Variants in NEUROD1 observed in about 807,000 individuals in gnomAD.
NEUROD1 encodes neuronal differentiation 1.
NEUROD1 carries 9 observed loss-of-function variants against 21.8 expected under a neutral mutation model. The ratio of observed to expected loss-of-function variants is 0.41; its 90% CI spans 0.25 to 0.72. NEUROD1 has a LOEUF of 0.72. NEUROD1 is among the 30% of genes least tolerant of loss of function. The pLI is 0.31. For synonymous variants in NEUROD1, 199 were observed against 186.2 expected (o/e 1.07, Z -0.56); for missense variants, 434 against 468.8 (o/e 0.93, Z 0.69).
In NEUROD1 at chr2:181,678,046, G is replaced by C. The variant is rs372654587; in HGVS notation, c.815C>G (p.Pro272Arg). 2.5e-6 allele frequency: 4 copies of C among 1,614,158 alleles called. No individual in the cohort carries two copies. The highest frequency in any genetic ancestry group is 3.4e-6 in the Non-Finnish European group (4 of 1,180,018). The change falls in exon 2 of 2, where the codon CCC becomes CGC. Residue 272 changes from proline (P) to arginine (R), a missense_variant. Coordinates refer to ENST00000295108, the MANE Select transcript of NEUROD1 (RefSeq NM_002500.5). This position sits in a 1 kb window ranked among gnomAD's most constrained non-coding sequence, Gnocchi z 5.5. The stretch of plus-strand genomic sequence containing the variant: ...ATTGATGCTGAGCGGCGGGCTGAGG[G>C]GTCCATCAAAGGAAGGGCTGGTGCA... ...TDCTSPSFDG[P>R]LSPPLSINGN... is the part of the protein sequence containing the mutation.
At chr2:181,671,268 C>G (rs182015109) in exon 2 of NEUROD1, among the ~76,000 whole-genome samples, 108 of 152,132 alleles carry the variant, frequency 7.1e-4, no homozygotes, top group African/African-American at 2.5e-3. Context: ...AGCCTTGCCT[C>G]TATTAACAAA....
rs1191618753 is a variant in NEUROD1, at chr2:181,676,886, G to A, written c.*904C>T. 2 of 152,532 alleles carry A rather than the reference G, an allele frequency of 1.3e-5. No homozygotes were observed. Among genetic ancestry groups the A allele is most frequent in the African/African-American group, 2.4e-5 (1 of 41,434 alleles). 9.4% of individuals were successfully genotyped at this position (152,532 alleles called of 1,614,324 possible). A position where few individuals can be genotyped will look rare whatever the true frequency, so the allele number is the denominator to read the frequency against. On this transcript the variant is annotated 3_prime_UTR_variant, in exon 2 of 2. Transcript: ENST00000295108. ...AGGAGTAAAAGACTAAAAAGTAACA[G>A]TGCAAATTGTATGTGATAGTCAAGC...
downstream of NEUROD1, among the ~76,000 whole-genome samples, chr2:181,673,988 CA>C (rs1688531279): frequency 6.6e-6 from 1 of 152,082 alleles, no homozygotes; most frequent in African/African-American, 2.4e-5. Context: ...TATAATCTTT[CA>C]TTTTAATTTA....
rs867400530 is a variant in NEUROD1 at position 181,678,406 on chromosome 2, G to A, written c.455C>T (p.Ala152Val). 1 of 1,614,216 alleles carries A rather than the reference G, an allele frequency of 6.2e-7. No homozygotes were observed. ...TLRLAKNYIW[A>V]LSEILRSGKS... is the part of the protein sequence containing the mutation. ...GCCTGAGCGCAGGATCTCCGACAGA[G>A]CCCAGATGTAGTTCTTGGCCAAGCG... The change falls in exon 2 of 2, where the codon GCT becomes GTT. Residue 152 changes from alanine to valine, a missense_variant. Coordinates refer to ENST00000295108, the MANE Select transcript of NEUROD1 (RefSeq NM_002500.5). The surrounding 1 kb of genome is among the most constrained non-coding windows in gnomAD (Gnocchi z 5.5).
chr2:181,669,618 T>C (rs1297038248), downstream of NEUROD1, among the ~76,000 whole-genome samples: 1 of 152,218 alleles, frequency 6.6e-6, no homozygotes, highest in East Asian at 1.9e-4. Context: ...AGAGTTATGA[T>C]GTGGTTTTTA....
downstream of NEUROD1, among the ~76,000 whole-genome samples, chr2:181,672,218 G>A (rs1281562720): frequency 3.3e-5 from 5 of 152,190 alleles, no homozygotes; most frequent in Non-Finnish European, 7.4e-5. Context: ...CAAAAAGGAA[G>A]TGGGGGGAGT....
downstream of NEUROD1, among the ~76,000 whole-genome samples, chr2:181,674,806 GAAA>G (rs34619473): frequency 6.8e-3 from 979 of 143,980 alleles, 6 homozygotes; most frequent in Non-Finnish European, 0.01. Context: ...AAAATGGGAA[GAAA>G]AAAAAAAAAA....
chr2:181,680,385 T>C (rs895140903), intron 1 of NEUROD1, 45 bp downstream of exon 1: 1 of 152,262 alleles, frequency 6.6e-6, no homozygotes, highest in Non-Finnish European at 1.5e-5. Flanking sequence ...AGTCTTCAGT[T>C]ATTGCTTCTA....
At chr2:181,679,634 C>T (rs1310114121) in intron 1 of NEUROD1, among the ~76,000 whole-genome samples, 2 of 152,178 alleles carry the variant, frequency 1.3e-5, no homozygotes, top group African/African-American at 4.8e-5. Flanking sequence ...TCCCACGCGC[C>T]GGGGATCAGG....
At chr2:181,673,474 A>C (rs892079026), downstream of NEUROD1, 3 of 152,234 alleles carry the variant, frequency 2.0e-5, no homozygotes, top group Non-Finnish European at 4.4e-5. Context: ...CCTCTTTGCA[A>C]TGGTAACAAC....
At position 181,678,768 on chromosome 2, in the gene NEUROD1, G is replaced by A; in HGVS notation, c.93C>T (p.Asp31=). 1 of 1,613,122 alleles carries A rather than the reference G, an allele frequency of 6.2e-7. No individual in the cohort carries two copies. ...CCTTCTTGTCTGCCTCGTGCTCCTC[G>A]TCCTGAGAACTGAGACACTCGTCTG... ...SWTDECLSSQ[D]EEHEADKKED... is the part of the protein sequence containing the mutation. The change falls in exon 2 of 2, where the codon GAC becomes GAT. Residue 31 remains aspartate (D), a synonymous_variant. Transcript: ENST00000295108. The surrounding 1 kb of genome is among the most constrained non-coding windows in gnomAD (Gnocchi z 5.5).
downstream of NEUROD1, among the ~76,000 whole-genome samples, chr2:181,672,283 ATT>A: frequency 6.6e-6 from 1 of 152,348 alleles, no homozygotes; most frequent in South Asian, 2.1e-4. Context: ...TTTTTATAGA[ATT>A]AATGTTTATA....
Position 181,677,783 on chromosome 2 carries a change from C to T in NEUROD1, c.*7G>A, listed in dbSNP as rs924219868. The T allele has an allele frequency of 2.5e-6, 4 of 1,613,936 alleles. No homozygotes were observed. In the African/African-American group the frequency reaches 5.3e-5, roughly 22 times the overall value. On this transcript the variant is annotated 3_prime_UTR_variant, in exon 2 of 2. Coordinates refer to ENST00000295108, the MANE Select transcript of NEUROD1 (RefSeq NM_002500.5). Reference sequence around the variant, plus strand: ...CGTTTCCCGGAAATGGTGAAACTGGCGTGCCTCTAATCATGAAATATGGCA... The same window carrying T: ...CGTTTCCCGGAAATGGTGAAACTGGTGTGCCTCTAATCATGAAATATGGCA...
downstream of NEUROD1, among the ~76,000 whole-genome samples, chr2:181,672,376 G>T (rs1187586559): frequency 1.3e-5 from 2 of 152,214 alleles, no homozygotes. Context: ...TAAGGCAACA[G>T]GCTTTAGCAT....
chr2:181,675,349 T>C (rs1688553462), downstream of NEUROD1, among the ~76,000 whole-genome samples: 1 of 152,212 alleles, frequency 6.6e-6, no homozygotes, highest in South Asian at 2.1e-4. Context: ...TCATTGGCAA[T>C]GTTATTAGTA....
Position 181,678,725 on chromosome 2 carries a change from T to A in NEUROD1, c.136A>T (p.Met46Leu), listed in dbSNP as rs760837593. 1 of 1,612,238 alleles carries A rather than the reference T, an allele frequency of 6.2e-7. No homozygotes were observed. ...CTCAGTGAGTCCTCCTCTGCGTTCA[T>A]GGTTTCGAGGTCGTCCTCCTTCTTG... ...ADKKEDDLET[M>L]NAEEDSLRNG... The change falls in exon 2 of 2, where the codon ATG becomes TTG. Residue 46 changes from methionine (M) to leucine (L), a missense_variant. Physicochemically the swap from Met to Leu is conservative, Grantham distance 15. Coordinates refer to ENST00000295108, the MANE Select transcript of NEUROD1 (RefSeq NM_002500.5). The surrounding 1 kb of genome is among the most constrained non-coding windows in gnomAD (Gnocchi z 5.5).
In NEUROD1 at chr2:181,678,627, A is replaced by G. The variant is rs777362348; in HGVS notation, c.234T>C (p.Asp78=). The change falls in exon 2 of 2, where the codon GAT becomes GAC. Residue 78 remains aspartate, a synonymous_variant. Transcript: ENST00000295108. The surrounding 1 kb of genome is among the most constrained non-coding windows in gnomAD (Gnocchi z 5.5). Reference sequence around the variant, plus strand: ...TGGGGCCGCGTCTCTTGGGCTTTTGATCGTCATCCTCCTCTTCCTCTTCTT... The same window carrying G: ...TGGGGCCGCGTCTCTTGGGCTTTTGGTCGTCATCCTCCTCTTCCTCTTCTT... ...EEEEEEEEDD[D]QKPKRRGPKK... 2.5e-6 allele frequency: 4 copies of G among 1,613,872 alleles called. No homozygotes were observed. The highest frequency in any genetic ancestry group is 3.4e-6 in the Non-Finnish European group (4 of 1,179,932).
intron 1 of NEUROD1, among the ~76,000 whole-genome samples, chr2:181,680,059 T>C (rs1193532395): frequency 6.6e-6 from 1 of 152,176 alleles, no homozygotes; most frequent in Non-Finnish European, 1.5e-5. Context: ...ACAAAATATA[T>C]ATTGATAACA....
At chr2:181,672,828 G>A (rs1688516364), downstream of NEUROD1, among the ~76,000 whole-genome samples, 1 of 152,262 alleles carries the variant, frequency 6.6e-6, no homozygotes, top group African/African-American at 2.4e-5. Context: ...GCACTTAGCA[G>A]TGGGCTAGTG....
Sources: gnomAD v4.1 joint callset for allele counts (sites outside exome capture counted in the v4.1 genomes callset) on GRCh38, gnomAD v4.1.1 for gene constraint, Gnocchi (gnomAD v3.1) non-coding constraint, MANE v1.5 for transcripts, NCBI Gene and HGNC (gene_info 2026-07-23, HGNC 2026-07-21) for gene names.